Variants in NCOA6 observed in about 807,000 individuals in gnomAD.
The protein encoded by NCOA6 is NRC RAP250.
NCOA6 carries 49 observed loss-of-function variants against 171.4 expected under a neutral mutation model. The observed-to-expected ratio is 0.29, with a 90% CI of 0.23 to 0.36. NCOA6 has a LOEUF of 0.36. Ranked by LOEUF, NCOA6 falls within the 10% of genes least tolerant of loss-of-function variation. The probability of loss-of-function intolerance (pLI) is 1.00; values close to 1 mark genes in which losing one functional copy is unlikely to be tolerated. For synonymous variants in NCOA6, 910 were observed against 927.5 expected (o/e 0.98, Z 0.34); for missense variants, 2,248 against 2,554.5 (o/e 0.88, Z 2.59).
intron 8 of NCOA6, among the ~76,000 whole-genome samples, chr20:34,751,354 G>A (rs1412455661): frequency 4.7e-5 from 4 of 85,742 alleles, no homozygotes; most frequent in Non-Finnish European, 7.3e-5. Context: ...TCCAGCCTGG[G>A]CGACAGAGCA....
In NCOA6 at chr20:34,729,986, G is replaced by C. The variant is rs778736679; in HGVS notation, c.5999+2573C>G. ...TCAGGGGGATTTATACCTCCTTTGA[G>C]AGGTGGTGAAGATGGCTTTCTGGCT... On this transcript the variant is annotated intron_variant, in intron 13 of 14. Coordinates refer to ENST00000359003, the MANE Select transcript of NCOA6 (RefSeq NM_014071.5). Among the ~76,000 whole-genome samples the C allele has an allele frequency of 8.8e-4, 134 of 152,334 alleles. 2 individuals carry two copies. Among genetic ancestry groups the C allele is most frequent in the Admixed American group, 2.3e-3 (35 of 15,304 alleles).
chr20:34,716,858 T>A (rs755887548), intron 14 of NCOA6, among the ~76,000 whole-genome samples: 3 of 152,160 alleles, frequency 2.0e-5, no homozygotes, highest in Non-Finnish European at 2.9e-5. Context: ...TAGAATCTCA[T>A]ATTGACTTCA....
chr20:34,803,562 C>T (rs1394929066), intron 1 of NCOA6, among the ~76,000 whole-genome samples: 1 of 151,590 alleles, frequency 6.6e-6, no homozygotes, highest in East Asian at 1.9e-4. Flanking sequence ...TGGCAATGTA[C>T]AATGAAATAG....
intron 7 of NCOA6, among the ~76,000 whole-genome samples, chr20:34,755,133 C>T (rs1421316845): frequency 9.2e-5 from 14 of 152,104 alleles, no homozygotes. Context: ...CAATCTGCTC[C>T]CTAAATGTGA....
At chr20:34,729,610 C>T (rs1312100727) in intron 13 of NCOA6, among the ~76,000 whole-genome samples, 1 of 152,142 alleles carries the variant, frequency 6.6e-6, no homozygotes, top group Non-Finnish European at 1.5e-5. Context: ...GGGAAGTCTT[C>T]CATGATCTCA....
intron 13 of NCOA6, among the ~76,000 whole-genome samples, chr20:34,732,255 G>A (rs2075808386): frequency 6.6e-6 from 1 of 152,096 alleles, no homozygotes; most frequent in Non-Finnish European, 1.5e-5. Flanking sequence ...TAATATCAAT[G>A]GTAACAACAG....
At chr20:34,783,892 A>C (rs954009649) in intron 2 of NCOA6, among the ~76,000 whole-genome samples, 1 of 151,934 alleles carries the variant, frequency 6.6e-6, no homozygotes, top group South Asian at 2.1e-4. Context: ...CCAAAGTGCT[A>C]GAATTACAGG....
intron 2 of NCOA6, among the ~76,000 whole-genome samples, chr20:34,787,132 A>C (rs970714482): frequency 6.6e-6 from 1 of 151,858 alleles, no homozygotes; most frequent in East Asian, 1.9e-4. Context: ...GAAAAAAAAA[A>C]AACAACCCCA....
At chr20:34,746,970 A>G in intron 9 of NCOA6, 42 bp from the exon 10 acceptor site, 1 of 1,463,028 alleles carries the variant, frequency 6.8e-7, no homozygotes, top group Non-Finnish European at 9.1e-7. Flanking sequence ...ATTTTAGAAT[A>G]AGTTGTATAG....
chr20:34,803,492 AAAAC>A (rs2078327386), intron 1 of NCOA6, among the ~76,000 whole-genome samples: 1 of 152,028 alleles, frequency 6.6e-6, no homozygotes, highest in Non-Finnish European at 1.5e-5. Context: ...AAAAAACAAA[AAAAC>A]AAAGTGAAAT....
At position 34,809,907 on chromosome 20, in the gene NCOA6, G is replaced by T. The variant is rs150370937; in HGVS notation, c.-164+15565C>A. Reference sequence around the variant, plus strand: ...CACTTGAACCTGGGAGGCAGAGGTTGCAGTGAGTGGAGATTGCACCACTGC... The same window carrying T: ...CACTTGAACCTGGGAGGCAGAGGTTTCAGTGAGTGGAGATTGCACCACTGC... On this transcript the variant is annotated intron_variant, in intron 1 of 14. Coordinates refer to ENST00000359003, the MANE Select transcript of NCOA6 (RefSeq NM_014071.5). Among the ~76,000 whole-genome samples, 206 of 152,294 alleles carry T rather than the reference G, an allele frequency of 1.4e-3. 2 individuals carry two copies. In the East Asian group the frequency reaches 0.026, roughly 19 times the overall value.
At chr20:34,727,477 GAT>G in intron 13 of NCOA6, 70 bp from the exon 14 acceptor site, 1 of 1,534,700 alleles carries the variant, frequency 6.5e-7, no homozygotes, top group East Asian at 2.3e-5. Flanking sequence ...GGGCTCTTCA[GAT>G]AGTTTCATTC....
intron 1 of NCOA6, among the ~76,000 whole-genome samples, chr20:34,811,201 G>GTGTATATATATATA (rs1555858015): frequency 1.1e-4 from 6 of 53,840 alleles, no homozygotes; most frequent in Non-Finnish European, 1.8e-4. Flanking sequence ...ACAACAACGT[G>GTGTATATATATATA]TATATATATA....
At chr20:34,764,347 A>G (rs1437896885) in intron 5 of NCOA6, among the ~76,000 whole-genome samples, 1 of 152,094 alleles carries the variant, frequency 6.6e-6, no homozygotes, top group African/African-American at 2.4e-5. Flanking sequence ...TTGGCCTCCC[A>G]AAGTGCTGGG....
chr20:34,759,755 G>A (rs2076760687), intron 5 of NCOA6, among the ~76,000 whole-genome samples: 1 of 152,010 alleles, frequency 6.6e-6, no homozygotes, highest in African/African-American at 2.4e-5. Flanking sequence ...GCAATGTTGT[G>A]TATTTGTCAT....
intron 11 of NCOA6, among the ~76,000 whole-genome samples, chr20:34,739,999 A>AT (rs1017961708): frequency 9.2e-5 from 14 of 152,170 alleles, no homozygotes; most frequent in African/African-American, 2.9e-4. Context: ...AGTAGCTGGG[A>AT]TTACAGGTGT....
rs149414508 is a variant in NCOA6 at position 34,757,988 on chromosome 20, G to C, written c.760C>G (p.Pro254Ala). ...TGCTGCAGCTGGGGAAAATTAGCTG[G>C]GTTCATTTGTCTGTTCACAGAGACA... ...QPVSVNRQMN[P>A]ANFPQLQQQQ... Residue 254 changes from proline to alanine, a missense_variant, in exon 7 of 15, where the codon CCA (proline) becomes GCA (alanine). Around this residue, in one of 7 missense-constraint regions of NCOA6, gnomAD observed 987 missense variants for 1,104.7 expected, o/e 0.89. Transcript: ENST00000359003. The C allele has an allele frequency of 1.9e-6, 3 of 1,614,076 alleles. No homozygotes were observed. Among genetic ancestry groups the C allele is most frequent in the Non-Finnish European group, 2.5e-6 (3 of 1,180,030 alleles).
intron 14 of NCOA6, among the ~76,000 whole-genome samples, chr20:34,716,519 C>A (rs1047613313): frequency 2.0e-5 from 3 of 152,146 alleles, no homozygotes; most frequent in Non-Finnish European, 4.4e-5. Context: ...GGAAGACTGA[C>A]GCAGGAAGCT....
At chr20:34,775,540 C>T (rs980920791) in intron 4 of NCOA6, among the ~76,000 whole-genome samples, 2 of 151,468 alleles carry the variant, frequency 1.3e-5, no homozygotes, top group Non-Finnish European at 2.9e-5. Flanking sequence ...CAAAAATTAG[C>T]TGGGCATGGT....
Sources: gnomAD v4.1 joint callset for allele counts (sites outside exome capture counted in the v4.1 genomes callset) on GRCh38, gnomAD v4.1.1 for gene constraint, gnomAD v4.1.1 regional missense constraint, MANE v1.5 for transcripts, NCBI Gene and HGNC (gene_info 2026-07-23, HGNC 2026-07-21) for gene names.